Variants in ACTR3B observed in about 807,000 individuals in gnomAD.
The protein encoded by ACTR3B is actin related protein 3B, also known as actin-related protein 3B.
ACTR3B carries 8 observed loss-of-function variants against 59.0 expected under a neutral mutation model. The ratio of observed to expected loss-of-function variants is 0.14; its 90% CI spans 0.08 to 0.24. The LOEUF (loss-of-function observed/expected upper bound fraction) is 0.24, where lower values mean the gene tolerates loss of function less well. Ranked by LOEUF, ACTR3B falls within the 10% of genes least tolerant of loss-of-function variation. The probability of loss-of-function intolerance (pLI) is 1.00; values close to 1 mark genes in which losing one functional copy is unlikely to be tolerated. For missense variants in ACTR3B, 245 were observed against 552.3 expected (o/e 0.44, Z 5.58); for synonymous variants, 148 against 197.9 (o/e 0.75, Z 2.12).
intron 7 of ACTR3B, 25 bp downstream of exon 7, chr7:152,820,467 G>C (rs114295156): frequency 0.071 from 102,140 of 1,446,876 alleles, no homozygotes; most frequent in South Asian, 0.21. Context: ...GAAACCGGCC[G>C]GTTTGGGGGT....
chr7:152,774,123 T>C (rs965986362), intron 1 of ACTR3B, among the ~76,000 whole-genome samples: 1 of 152,168 alleles, frequency 6.6e-6, no homozygotes, highest in Non-Finnish European at 1.5e-5. Flanking sequence ...TGGTTTAATA[T>C]TGCTTTAAAA....
At chr7:152,783,978 G>C (rs2689476) in intron 2 of ACTR3B, among the ~76,000 whole-genome samples, 1 of 151,940 alleles carries the variant, frequency 6.6e-6, no homozygotes, top group Non-Finnish European at 1.5e-5. Context: ...TAATCCCAGC[G>C]ACTCGGGAGG....
At chr7:152,795,238 G>C (rs988360027) in intron 2 of ACTR3B, among the ~76,000 whole-genome samples, 20 of 152,080 alleles carry the variant, frequency 1.3e-4, no homozygotes, top group Non-Finnish European at 2.4e-4. Flanking sequence ...GAACAGATGG[G>C]GTTTCACCAT....
chr7:152,844,099 C>T (rs1798077800), intron 9 of ACTR3B, among the ~76,000 whole-genome samples: 1 of 152,058 alleles, frequency 6.6e-6, no homozygotes. Context: ...ATGGAGTTGC[C>T]CAGGTTGGAG....
intron 3 of ACTR3B, among the ~76,000 whole-genome samples, chr7:152,800,891 C>T (rs73728855): frequency 0.094 from 14,260 of 151,748 alleles, 127 homozygotes; most frequent in African/African-American, 0.14. Context: ...CCAGGTCACA[C>T]ATGAAAGCAA....
At chr7:152,761,391 A>G (rs1319121275) in intron 1 of ACTR3B, among the ~76,000 whole-genome samples, 5 of 152,204 alleles carry the variant, frequency 3.3e-5, no homozygotes, top group South Asian at 2.1e-4. Flanking sequence ...TTTGCTTTGT[A>G]GTTTTAGTCT....
chr7:152,772,974 A>G (rs2098127802), intron 1 of ACTR3B, among the ~76,000 whole-genome samples: 1 of 149,028 alleles, frequency 6.7e-6, no homozygotes, highest in Non-Finnish European at 1.5e-5. Flanking sequence ...TATGTAGTTA[A>G]GGAATACTGT....
chr7:152,766,661 A>C (rs1186300791), intron 1 of ACTR3B, among the ~76,000 whole-genome samples: 1 of 152,200 alleles, frequency 6.6e-6, no homozygotes, highest in Non-Finnish European at 1.5e-5. Context: ...GTCTTTTACC[A>C]TGCAAAGTTT....
chr7:152,800,666 G>T lies in ACTR3B; in HGVS notation c.225+11G>T, dbSNP rs375185255. 8.1e-6 allele frequency: 13 copies of T among 1,612,498 alleles called. No individual in the cohort carries two copies. The highest frequency in any genetic ancestry group is 1.1e-5 in the Non-Finnish European group (13 of 1,179,316). On this transcript the variant is annotated intron_variant, in intron 3 of 11. Coordinates refer to ENST00000256001, the MANE Select transcript of ACTR3B (RefSeq NM_020445.6). ...ACATATGCTACAAAGGTAAATTTCCGACAGGTGTTTGCTTCTCTAAGTGTA... is the reference window on the plus strand; with the variant it reads ...ACATATGCTACAAAGGTAAATTTCCTACAGGTGTTTGCTTCTCTAAGTGTA...
At chr7:152,797,828 C>T (rs971063189) in intron 2 of ACTR3B, among the ~76,000 whole-genome samples, 6 of 152,040 alleles carry the variant, frequency 3.9e-5, no homozygotes, top group Non-Finnish European at 8.8e-5. Context: ...ATAGTGCCCT[C>T]GAGGTTCATC....
chr7:152,817,293 A>G (rs1182306480), intron 6 of ACTR3B, among the ~76,000 whole-genome samples: 2 of 152,106 alleles, frequency 1.3e-5, no homozygotes, highest in Non-Finnish European at 2.9e-5. Flanking sequence ...AGGCAGGAGA[A>G]TCGCTTGAAC....
At chr7:152,791,840 C>T (rs1186496652) in intron 2 of ACTR3B, among the ~76,000 whole-genome samples, 1 of 152,220 alleles carries the variant, frequency 6.6e-6, no homozygotes, top group Non-Finnish European at 1.5e-5. Context: ...TTTAAACTGA[C>T]AGTAGTACAT....
At chr7:152,814,901 G>T (rs1435302337) in intron 5 of ACTR3B, among the ~76,000 whole-genome samples, 1 of 151,860 alleles carries the variant, frequency 6.6e-6, no homozygotes, top group Non-Finnish European at 1.5e-5. Context: ...TTTTTATCTG[G>T]GTGACAAGAT....
chr7:152,794,938 G>T (rs1378881150), intron 2 of ACTR3B, among the ~76,000 whole-genome samples: 7 of 152,130 alleles, frequency 4.6e-5, no homozygotes, highest in Non-Finnish European at 7.4e-5. Flanking sequence ...AGAAAAGGAG[G>T]TGGGGAAAGT....
intron 9 of ACTR3B, among the ~76,000 whole-genome samples, chr7:152,829,044 G>GTATA (rs749504905): frequency 2.5e-4 from 36 of 143,916 alleles, no homozygotes; most frequent in African/African-American, 1.0e-3. Flanking sequence ...GTGTGTGTGT[G>GTATA]TATATATATA....
At chr7:152,852,000 A>T (rs1275564872) in intron 9 of ACTR3B, 126 bp from the exon 10 acceptor site, 7 of 1,310,004 alleles carry the variant, frequency 5.3e-6, no homozygotes, top group African/African-American at 3.0e-5. Flanking sequence ...TTTTGTTCGC[A>T]TCTTTCATAG....
At chr7:152,851,644 G>T (rs1798814650) in intron 9 of ACTR3B, among the ~76,000 whole-genome samples, 1 of 152,188 alleles carries the variant, frequency 6.6e-6, no homozygotes, top group Non-Finnish European at 1.5e-5. Flanking sequence ...GGCAGTGCTG[G>T]CTGGGTGGCT....
At chr7:152,823,849 G>A (rs1467812943) in intron 8 of ACTR3B, among the ~76,000 whole-genome samples, 3 of 152,280 alleles carry the variant, frequency 2.0e-5, no homozygotes, top group Middle Eastern at 3.4e-3. Context: ...CCTATATGGA[G>A]GTTGCCTGTG....
chr7:152,829,213 C>T (rs1360193724), intron 9 of ACTR3B, among the ~76,000 whole-genome samples: 1 of 152,078 alleles, frequency 6.6e-6, no homozygotes. Context: ...TCAGTGTGTA[C>T]AGTGAGAATA....
Sources: gnomAD v4.1 joint callset for allele counts (sites outside exome capture counted in the v4.1 genomes callset) on GRCh38, gnomAD v4.1.1 for gene constraint, MANE v1.5 for transcripts, NCBI Gene and HGNC (gene_info 2026-07-23, HGNC 2026-07-21) for gene names.